The following THSD7B variants were observed in gnomAD, a reference collection of about 807,000 sequenced individuals.
The protein encoded by THSD7B is thrombospondin type 1 domain containing 7B.
Under a neutral mutation model 213.6 loss-of-function variants are expected in THSD7B, and 138 were observed. The observed-to-expected ratio is 0.65, with a 90% CI of 0.56 to 0.74. The LOEUF is 0.74. Among genes scored for constraint, THSD7B ranks in the 30% least tolerant of loss-of-function variants. The probability of loss-of-function intolerance (pLI) is 0.00; values close to 1 mark genes in which losing one functional copy is unlikely to be tolerated. For synonymous variants in THSD7B, 742 were observed against 687.0 expected (o/e 1.08, Z -1.25); for missense variants, 1,931 against 1,991.5 (o/e 0.97, Z 0.58).
intron 24 of THSD7B, among the ~76,000 whole-genome samples, chr2:137,658,235 T>G (rs1470537147): frequency 2.0e-5 from 3 of 152,192 alleles, no homozygotes; most frequent in African/African-American, 7.2e-5. Context: ...CTTATCTTTT[T>G]TGTAAGTTGT....
chr2:137,018,273 A>C (rs1389116146), intron 2 of THSD7B, among the ~76,000 whole-genome samples: 6 of 152,182 alleles, frequency 3.9e-5, no homozygotes, highest in Non-Finnish European at 7.4e-5. Context: ...AAAATAAGAC[A>C]ACAAAGTATA....
At chr2:137,039,201 C>T (rs571297976) in intron 2 of THSD7B, among the ~76,000 whole-genome samples, 1 of 152,188 alleles carries the variant, frequency 6.6e-6, no homozygotes, top group South Asian at 2.1e-4. Context: ...GTTTCAAGCT[C>T]TTGGATCACT....
intron 17 of THSD7B, among the ~76,000 whole-genome samples, chr2:137,579,469 T>C (rs1235251050): frequency 6.6e-6 from 1 of 152,182 alleles, no homozygotes; most frequent in African/African-American, 2.4e-5. Context: ...TCAAGCTTCA[T>C]AATCATGTGA....
intron 12 of THSD7B, among the ~76,000 whole-genome samples, chr2:137,299,824 G>C (rs16838699): frequency 0.037 from 5,601 of 152,156 alleles, 167 homozygotes; most frequent in Middle Eastern, 0.12. Context: ...AATTGATTTT[G>C]TACCAGTGAA....
At chr2:136,982,461 C>T (rs1685599071) in intron 2 of THSD7B, among the ~76,000 whole-genome samples, 1 of 152,144 alleles carries the variant, frequency 6.6e-6, no homozygotes, top group Non-Finnish European at 1.5e-5. Flanking sequence ...TGAACCATCA[C>T]ACCCACCTGT....
At chr2:137,009,669 T>A (rs1686186935) in intron 2 of THSD7B, among the ~76,000 whole-genome samples, 3 of 152,052 alleles carry the variant, frequency 2.0e-5, no homozygotes, top group African/African-American at 7.2e-5. Flanking sequence ...AACTATCAGA[T>A]CTCGTGAGAC....
Position 137,121,094 on chromosome 2 carries a change from T to C in THSD7B, c.1369+5801T>C, listed in dbSNP as rs138514455. On this transcript the variant is annotated intron_variant, in intron 5 of 27. Coordinates refer to ENST00000409968, the MANE Select transcript of THSD7B (RefSeq NM_001316349.2). ...TTTAAAATCAAGTGTAACAAACTTA[T>C]CTTAGTGTGATATAGGAAATGTTTA... Among the ~76,000 whole-genome samples, 650 of 152,306 alleles carry C rather than the reference T, an allele frequency of 4.3e-3. 22 individuals carry two copies. The highest frequency in any genetic ancestry group is 0.038 in the Admixed American group (581 of 15,276).
chr2:137,004,019 G>T (rs1179171317), intron 2 of THSD7B, among the ~76,000 whole-genome samples: 2 of 151,990 alleles, frequency 1.3e-5, no homozygotes, highest in East Asian at 3.9e-4. Flanking sequence ...CTCCCCTGTT[G>T]CTTCCTAAAG....
chr2:137,045,900 A>G (rs1043874847), intron 2 of THSD7B, among the ~76,000 whole-genome samples: 1 of 152,196 alleles, frequency 6.6e-6, no homozygotes, highest in Non-Finnish European at 1.5e-5. Context: ...TTTGTGAAAA[A>G]ACAGTATTTA....
chr2:137,514,053 A>G (rs925395532), intron 15 of THSD7B, among the ~76,000 whole-genome samples: 1 of 152,168 alleles, frequency 6.6e-6, no homozygotes. Flanking sequence ...TTTTCCCACT[A>G]GATATCAATT....
chr2:136,852,767 T>G (rs1683119512), intron 1 of THSD7B, among the ~76,000 whole-genome samples: 1 of 152,206 alleles, frequency 6.6e-6, no homozygotes, highest in African/African-American at 2.4e-5. Flanking sequence ...ATATTTTTAT[T>G]TTTGCAGTGT....
intron 3 of THSD7B, among the ~76,000 whole-genome samples, chr2:137,065,656 T>A (rs886673612): frequency 6.7e-6 from 1 of 148,188 alleles, no homozygotes; most frequent in Non-Finnish European, 1.5e-5. Context: ...TAATGGAACA[T>A]TTTATGTTGT....
intron 12 of THSD7B, among the ~76,000 whole-genome samples, chr2:137,401,679 T>C (rs1686367998): frequency 6.6e-6 from 1 of 150,698 alleles, no homozygotes; most frequent in Non-Finnish European, 1.5e-5. Context: ...TTCAATGGCC[T>C]TCATCCTTGG....
At chr2:137,075,160 A>G (rs1175183137) in intron 3 of THSD7B, among the ~76,000 whole-genome samples, 1 of 152,190 alleles carries the variant, frequency 6.6e-6, no homozygotes, top group Admixed American at 6.5e-5. Flanking sequence ...AAAGTCTCCT[A>G]GATAATATCC....
intron 7 of THSD7B, 71 bp from the exon 8 acceptor site, chr2:137,230,973 G>C: frequency 1.4e-6 from 2 of 1,425,878 alleles, no homozygotes; most frequent in Admixed American, 3.8e-5. Context: ...ACTTTAAACT[G>C]AAGTAATAGA....
intron 1 of THSD7B, among the ~76,000 whole-genome samples, chr2:136,786,263 A>G (rs967302791): frequency 2.0e-5 from 3 of 152,210 alleles, no homozygotes; most frequent in Admixed American, 6.5e-5. Context: ...ATATGTATAT[A>G]TGAATTTATA....
chr2:137,019,973 GATA>G (rs796963751), intron 2 of THSD7B, among the ~76,000 whole-genome samples: 10 of 152,256 alleles, frequency 6.6e-5, no homozygotes, highest in African/African-American at 2.2e-4. Context: ...TGTAAATAGT[GATA>G]ATAATTCCTA....
intron 12 of THSD7B, among the ~76,000 whole-genome samples, chr2:137,323,252 T>C (rs1684299909): frequency 6.6e-6 from 1 of 152,152 alleles, no homozygotes; most frequent in African/African-American, 2.4e-5. Flanking sequence ...CTGGAATGAA[T>C]GTGAAGTCAG....
At chr2:137,286,038 A>G (rs1361196073) in intron 12 of THSD7B, among the ~76,000 whole-genome samples, 1 of 151,602 alleles carries the variant, frequency 6.6e-6, no homozygotes, top group Non-Finnish European at 1.5e-5. Flanking sequence ...CGGGAGGTGG[A>G]AGTTGCAGTG....
Sources: gnomAD v4.1 joint callset for allele counts (sites outside exome capture counted in the v4.1 genomes callset) on GRCh38, gnomAD v4.1.1 for gene constraint, MANE v1.5 for transcripts, NCBI Gene and HGNC (gene_info 2026-07-23, HGNC 2026-07-21) for gene names.